Variants in TF observed in about 807,000 individuals in gnomAD.
The protein encoded by TF is transferrin.
Under a neutral mutation model 82.4 loss-of-function variants are expected in TF, and 55 were observed. The observed-to-expected ratio is 0.67, with a 90% CI of 0.54 to 0.84. The LOEUF (loss-of-function observed/expected upper bound fraction) is 0.84. TF is among the 40% of genes least tolerant of loss of function. The pLI is 0.00. For synonymous variants in TF, 332 were observed against 332.6 expected, an observed-to-expected ratio of 1.00 and a Z score of 0.02; for missense variants, 737 against 868.4, an observed-to-expected ratio of 0.85 and a Z score of 1.90.
At chr3:133,669,812 A>T in the TF span, among the ~76,000 whole-genome samples, 1 of 152,220 alleles carries the variant, frequency 6.6e-6, no homozygotes, top group East Asian at 1.9e-4. Flanking sequence ...GTGTTAAACC[A>T]TTAAGATTTT....
intron 14 of TF, 39 bp downstream of exon 14, chr3:133,770,611 A>G (rs544269266): frequency 1.2e-6 from 2 of 1,603,680 alleles, no homozygotes; most frequent in African/African-American, 2.7e-5. Flanking sequence ...AGATCACTAG[A>G]TCCTGGTCAC....
chr3:133,711,235 CACAA>C, the TF span, among the ~76,000 whole-genome samples: 3 of 152,192 alleles, frequency 2.0e-5, no homozygotes, highest in Non-Finnish European at 4.4e-5. Context: ...AGGGGTGTTA[CACAA>C]ACAAAGCTAG....
chr3:133,755,890 C>G (rs769824193), intron 5 of TF: 7 of 430,044 alleles, frequency 1.6e-5, no homozygotes, highest in Non-Finnish European at 3.0e-5. Context: ...CTCCTGCCCC[C>G]ATCACCGTCT....
chr3:133,757,757 T>C lies in TF; in HGVS notation c.871-12T>C. ...TGTGTTGCCATCCACTATTCTGTTT[T>C]TCTATGAACAGGAACATTTTGGCAA... On this transcript the variant is annotated splice_polypyrimidine_tract_variant and intron_variant, in intron 7 of 16. Coordinates refer to ENST00000402696, the MANE Select transcript of TF (RefSeq NM_001063.4). The C allele has an allele frequency of 6.2e-7, 1 of 1,613,290 alleles. No individual in the cohort carries two copies. The highest frequency in any genetic ancestry group is 1.1e-5 in the South Asian group (1 of 91,066).
At chr3:133,691,829 A>T in the TF span, 1 of 153,172 alleles carries the variant, frequency 6.5e-6, no homozygotes, top group Non-Finnish European at 1.5e-5. Context: ...GGGTCAAAAG[A>T]TGGTGTGTTC....
the TF span, among the ~76,000 whole-genome samples, chr3:133,668,437 A>G: frequency 6.6e-4 from 101 of 152,196 alleles, no homozygotes; most frequent in African/African-American, 2.2e-3. Flanking sequence ...AGAACCCCCA[A>G]TCGAGAGCCT....
At chr3:133,761,129 T>A in intron 9 of TF, 1 of 184,034 alleles carries the variant, frequency 5.4e-6, no homozygotes, top group East Asian at 1.4e-4. Context: ...ATTGCAGTAA[T>A]CATGTTCATG....
the TF span, among the ~76,000 whole-genome samples, chr3:133,725,882 G>A: frequency 0.013 from 2,000 of 152,238 alleles, 41 homozygotes; most frequent in African/African-American, 0.045. Context: ...GTTGAATTTT[G>A]TCAAATGCCT....
chr3:133,692,201 C>T, the TF span, among the ~76,000 whole-genome samples: 1 of 152,226 alleles, frequency 6.6e-6, no homozygotes, highest in Non-Finnish European at 1.5e-5. Context: ...GCCTGGGCAA[C>T]AGAACATGGG....
At chr3:133,678,696 T>C in the TF span, among the ~76,000 whole-genome samples, 1 of 152,238 alleles carries the variant, frequency 6.6e-6, no homozygotes, top group Non-Finnish European at 1.5e-5. Flanking sequence ...TTGCCCACTT[T>C]TTGATGGGGT....
rs141969756 is a variant in TF, at chr3:133,756,985, C to G, written c.846C>G (p.Ile282Met). 10 of 1,614,024 alleles carry G rather than the reference C, an allele frequency of 6.2e-6. No homozygotes were observed. In the African/African-American group the frequency reaches 1.3e-4, roughly 22 times the overall value. The change falls in exon 7 of 17, where the codon ATC becomes ATG. Residue 282 changes from isoleucine to methionine, a missense_variant. Physicochemically the swap from Ile to Met is conservative, Grantham distance 10. Coordinates refer to ENST00000402696, the MANE Select transcript of TF (RefSeq NM_001063.4). ...ARSMGGKEDL[I>M]WELLNQAQEH... ...GTATGGGCGGCAAGGAGGACTTGAT[C>G]TGGGAGCTTCTCAACCAGGCCCAGG...
intron 9 of TF, chr3:133,762,015 A>C (rs1934008151): frequency 6.1e-6 from 1 of 164,406 alleles, no homozygotes; most frequent in Admixed American, 6.3e-5. Flanking sequence ...GGGATGCTAC[A>C]GAAATGAAGC....
the TF span, among the ~76,000 whole-genome samples, chr3:133,736,484 C>T: frequency 4.6e-5 from 7 of 151,896 alleles, no homozygotes; most frequent in African/African-American, 1.4e-4. Context: ...GGGCTAAGTG[C>T]CCCCCAGTTA....
At chr3:133,730,379 G>C in the TF span, among the ~76,000 whole-genome samples, 1 of 152,206 alleles carries the variant, frequency 6.6e-6, no homozygotes, top group African/African-American at 2.4e-5. Context: ...GCTTCTGGAA[G>C]ACTCTCCCCT....
At chr3:133,774,279 A>G (rs2107932963) in intron 14 of TF, 1 of 152,326 alleles carries the variant, frequency 6.6e-6, no homozygotes, top group South Asian at 2.1e-4. Flanking sequence ...ATGTAAGCAC[A>G]ATTATATGCC....
chr3:133,765,543 C>G (rs1180417601), intron 11 of TF, among the ~76,000 whole-genome samples: 1 of 152,190 alleles, frequency 6.6e-6, no homozygotes, highest in Non-Finnish European at 1.5e-5. Flanking sequence ...TCCAGACAGC[C>G]ATTACTGTAC....
upstream of TF, among the ~76,000 whole-genome samples, chr3:133,743,908 A>T (rs142528534): frequency 3.6e-3 from 554 of 152,192 alleles, 14 homozygotes; most frequent in Admixed American, 0.033. Context: ...AGCTGGCCTC[A>T]CCCCTGCCTA....
At chr3:133,723,691 T>C in the TF span, among the ~76,000 whole-genome samples, 1 of 147,694 alleles carries the variant, frequency 6.8e-6, no homozygotes, top group African/African-American at 2.5e-5. Context: ...AGTTTTAGGG[T>C]ACATGTGCAC....
At position 133,791,211 on chromosome 3, in the gene TF, T is replaced by C. The variant is rs115825660; in HGVS notation, c.*12591T>C. On this transcript the variant is annotated 3_prime_UTR_variant, in exon 17 of 17. Coordinates refer to ENST00000402696, the MANE Select transcript of TF (RefSeq NM_001063.4). ...GAATTGATGGAGCACACCAGCTTTT[T>C]AACCTTGAACTAACTCAAATTCTGT... The C allele has an allele frequency of 1.3e-5, 2 of 152,332 alleles. No homozygotes were observed. Among genetic ancestry groups the C allele is most frequent in the African/African-American group, 4.8e-5 (2 of 41,586 alleles). 9.4% of individuals were successfully genotyped at this position (152,332 alleles called of 1,614,324 possible). A position where few individuals can be genotyped will look rare whatever the true frequency, so the allele number is the denominator to read the frequency against.
Sources: allele counts gnomAD v4.1 joint callset (sites outside exome capture counted in the v4.1 genomes callset), GRCh38; gene constraint gnomAD v4.1.1; transcripts MANE v1.5; gene names NCBI Gene and HGNC (gene_info 2026-07-23, HGNC 2026-07-21).